The following BTBD7 variants were observed in gnomAD, a reference collection of about 807,000 sequenced individuals.
BTBD7 encodes the protein BTB/POZ domain-containing protein 7.
A neutral mutation model predicts 99.9 loss-of-function variants in BTBD7; 38 were observed. The ratio of observed to expected loss-of-function variants is 0.38; its 90% CI spans 0.29 to 0.50. The LOEUF (loss-of-function observed/expected upper bound fraction) is 0.50. Among genes scored for constraint, BTBD7 ranks in the 20% least tolerant of loss-of-function variants. The pLI, the probability that BTBD7 is intolerant of heterozygous loss-of-function variation, is 0.93. For missense variants in BTBD7, 1,170 were observed against 1,394.6 expected (o/e 0.84, Z 2.57); for synonymous variants, 520 against 511.4 (o/e 1.02, Z -0.23).
chr14:93,257,279 C>A lies in BTBD7; in HGVS notation c.1524G>T (p.Glu508Asp). The change falls in exon 6 of 11, where the codon GAG becomes GAT. Residue 508 changes from glutamate (E) to aspartate (D), a missense_variant. By Grantham distance (45) the Glu-to-Asp change is conservative (BLOSUM62 2). This residue lies in a region of BTBD7 where 309 missense variants were observed against 342.0 expected (regional missense o/e 0.90). Coordinates refer to ENST00000334746, the MANE Select transcript of BTBD7 (RefSeq NM_001002860.4). ...AGAGAGAAGAAAGGATCTCTCTGAG[C>A]TCTTCCATGTCCAGGTCCCGTCTTT... ...GVKRRDLDME[E>D]LREILSSLLP... 6.2e-7 allele frequency: 1 copy of A among 1,614,138 alleles called. No individual in the cohort carries two copies. The highest frequency in any genetic ancestry group is 8.5e-7 in the Non-Finnish European group (1 of 1,179,998).
chr14:93,310,862 C>CT (rs948377968), intron 1 of BTBD7, among the ~76,000 whole-genome samples: 2 of 150,370 alleles, frequency 1.3e-5, no homozygotes, highest in South Asian at 2.1e-4. Flanking sequence ...ATTGAATTCC[C>CT]TTTTTTTGAT....
chr14:93,261,208 T>C (rs1392735358), intron 5 of BTBD7, among the ~76,000 whole-genome samples: 1 of 152,236 alleles, frequency 6.6e-6, no homozygotes, highest in African/African-American at 2.4e-5. Context: ...AAGCGTACCA[T>C]TCAGTGGCTC....
intron 4 of BTBD7, among the ~76,000 whole-genome samples, chr14:93,263,526 C>T (rs1293769957): frequency 6.6e-6 from 1 of 152,186 alleles, no homozygotes; most frequent in African/African-American, 2.4e-5. Flanking sequence ...CTGACCTTGC[C>T]TACTGCCCCA....
chr14:93,293,872 T>A lies in BTBD7; in HGVS notation c.1148A>T (p.Asn383Ile). ...LYHIALFLEF[N>I]MLAQGCEDII... ...GAACTTCATACCTTGTGCAAGCATG[T>A]TAAATTCCAAGAACAGTGCTATGTG... The change falls in exon 3 of 11, where the codon AAC becomes ATC. Residue 383 changes from asparagine (N) to isoleucine (I), a missense_variant. This residue lies in a region of BTBD7 where 359 missense variants were observed against 497.9 expected (regional missense o/e 0.72). Coordinates refer to ENST00000334746, the MANE Select transcript of BTBD7 (RefSeq NM_001002860.4). 1 of 1,607,380 alleles carries A rather than the reference T, an allele frequency of 6.2e-7. No individual in the cohort carries two copies. The highest frequency in any genetic ancestry group is 8.5e-7 in the Non-Finnish European group (1 of 1,177,866).
intron 1 of BTBD7, among the ~76,000 whole-genome samples, chr14:93,326,997 C>G (rs2053341352): frequency 6.6e-6 from 1 of 151,746 alleles, no homozygotes. Flanking sequence ...AAGGCCCTGT[C>G]TCTCACAACA....
At chr14:93,254,621 AAGGGCTCCTGT>A (rs2052409336) in intron 6 of BTBD7, among the ~76,000 whole-genome samples, 1 of 152,156 alleles carries the variant, frequency 6.6e-6, no homozygotes, top group African/African-American at 2.4e-5. Flanking sequence ...GCTTCACTTT[AAGGGCTCCTGT>A]ATGGCTCTGG....
intron 7 of BTBD7, among the ~76,000 whole-genome samples, chr14:93,252,523 G>GT (rs34105100): frequency 0.17 from 24,403 of 142,362 alleles, 2,144 homozygotes; most frequent in East Asian, 0.31. Context: ...CGCCTGGCTA[G>GT]TTTTTTTTTT....
At chr14:93,257,881 C>G (rs2052447231) in intron 5 of BTBD7, among the ~76,000 whole-genome samples, 1 of 150,850 alleles carries the variant, frequency 6.6e-6, no homozygotes, top group Non-Finnish European at 1.5e-5. Flanking sequence ...ATGAAAATCT[C>G]CCAAATTTCC....
In BTBD7 at chr14:93,242,390, A is replaced by C; in HGVS notation, c.3282T>G (p.Ser1094Arg). 6.2e-7 allele frequency: 1 copy of C among 1,614,144 alleles called. No individual in the cohort carries two copies. Among genetic ancestry groups the C allele is most frequent in the Non-Finnish European group, 8.5e-7 (1 of 1,180,018 alleles). The part of the protein sequence containing the change: ...EERSGRRLAD[S>R]ESLGHGAQRN... ...TCTGAGCTCCATGGCCCAGGGACTC[A>C]CTGTCTGCCAGTCTTCTACCGGATC... The change falls in exon 11 of 11, where the codon AGT (serine) becomes AGG (arginine). Residue 1094 changes from serine to arginine, a missense_variant. Transcript: ENST00000334746.
Position 93,332,920 on chromosome 14 carries a change from C to T in BTBD7, c.-207G>A, listed in dbSNP as rs959825606. 1.7e-4 allele frequency: 202 copies of T among 1,172,078 alleles called. No homozygotes were observed. The African/African-American group carries it at 3.5e-3, about 20-fold the overall frequency. The allele number at this position is 1,172,078 out of a possible 1,614,324, so 72.6% of individuals were successfully genotyped here. A position where few individuals can be genotyped will look rare whatever the true frequency, so the allele number is the denominator to read the frequency against. ...CGCCGTCCGCACCGGCGCCAGCACC[C>T]CCGGCCATCCTCCTCCCACCGCCGC... On this transcript the variant is annotated 5_prime_UTR_variant, in exon 1 of 11. Transcript: ENST00000334746.
chr14:93,252,390 A>C (rs764938441), intron 7 of BTBD7, among the ~76,000 whole-genome samples: 3 of 151,930 alleles, frequency 2.0e-5, no homozygotes, highest in Non-Finnish European at 4.4e-5. Flanking sequence ...AAAAAGAAAA[A>C]TGTTGCCTGG....
intron 1 of BTBD7, among the ~76,000 whole-genome samples, chr14:93,331,366 G>A (rs1472032175): frequency 6.6e-6 from 1 of 152,132 alleles, no homozygotes; most frequent in African/African-American, 2.4e-5. Context: ...CAAGTCACTC[G>A]CCTCTCTGGG....
At position 93,242,444 on chromosome 14, in the gene BTBD7, A is replaced by G. The variant is rs754402000; in HGVS notation, c.3228T>C (p.Ser1076=). Residue 1076 remains serine (S), a synonymous_variant, in exon 11 of 11, where the codon TCT becomes TCC. Coordinates refer to ENST00000334746, the MANE Select transcript of BTBD7 (RefSeq NM_001002860.4). ...CTTCGGGAGCTTCAGAGCTACATGC[A>G]GAAAGTGAAGGTCTGTTAGGAGTCA... ...FGLTPNRPSL[S]ACSSEAPEER... is the part of the protein sequence containing the mutation. The G allele has an allele frequency of 6.2e-7, 1 of 1,614,238 alleles. No individual in the cohort carries two copies. Among genetic ancestry groups the G allele is most frequent in the South Asian group, 1.1e-5 (1 of 91,078 alleles).
intron 3 of BTBD7, among the ~76,000 whole-genome samples, chr14:93,269,022 G>A (rs1353655992): frequency 1.3e-5 from 2 of 152,080 alleles, no homozygotes; most frequent in Admixed American, 6.6e-5. Context: ...GCCACCCAAA[G>A]TGCTAGGATT....
chr14:93,308,022 C>T (rs907007783), intron 1 of BTBD7, among the ~76,000 whole-genome samples: 1 of 152,088 alleles, frequency 6.6e-6, no homozygotes, highest in African/African-American at 2.4e-5. Context: ...CGGCCGGGCA[C>T]GGTGGCTCAA....
intron 8 of BTBD7, among the ~76,000 whole-genome samples, chr14:93,251,118 A>G (rs567143450): frequency 7.2e-5 from 11 of 152,248 alleles, no homozygotes; most frequent in Non-Finnish European, 1.0e-4. Flanking sequence ...ATGCATGCAC[A>G]TATGTGCTCC....
rs911071278 is a variant in BTBD7 at position 93,243,200 on chromosome 14, G to T, written c.2584-112C>A. On this transcript the variant is annotated intron_variant, in intron 10 of 10. Coordinates refer to ENST00000334746, the MANE Select transcript of BTBD7 (RefSeq NM_001002860.4). ...TATAAAATTAACACATTCTGTTTTT[G>T]TTTTTTTTTTTGAGACAGAGTCTCG... 45 of 839,108 alleles carry T rather than the reference G, an allele frequency of 5.4e-5. 1 individual carries two copies. Among genetic ancestry groups the T allele is most frequent in the South Asian group, 1.1e-4 (5 of 47,578 alleles). The allele number at this position is 839,108 out of a possible 1,614,324, so 52.0% of individuals were successfully genotyped here.
At chr14:93,302,326 A>G (rs2053014417) in intron 1 of BTBD7, among the ~76,000 whole-genome samples, 1 of 152,166 alleles carries the variant, frequency 6.6e-6, no homozygotes, top group Non-Finnish European at 1.5e-5. Context: ...TTTTGTGATT[A>G]GTGGGAATGT....
At chr14:93,279,715 T>G (rs1595306182) in intron 3 of BTBD7, among the ~76,000 whole-genome samples, 1 of 152,110 alleles carries the variant, frequency 6.6e-6, no homozygotes, top group East Asian at 1.9e-4. Flanking sequence ...GTCCAGCTAA[T>G]TTTTGTATTT....
Sources: gnomAD v4.1 joint callset for allele counts (sites outside exome capture counted in the v4.1 genomes callset) on GRCh38, gnomAD v4.1.1 for gene constraint, gnomAD v4.1.1 regional missense constraint, MANE v1.5 for transcripts, NCBI Gene and HGNC (gene_info 2026-07-23, HGNC 2026-07-21) for gene names.